ADK: variants seen among roughly 807,000 people sequenced by gnomAD.
The protein encoded by ADK is adenosine kinase.
A neutral mutation model predicts 44.7 loss-of-function variants in ADK; 24 were observed. The ratio of observed to expected loss-of-function variants is 0.54; its 90% CI spans 0.39 to 0.76. ADK has a LOEUF of 0.76. Ranked by LOEUF, ADK falls within the 30% of genes least tolerant of loss-of-function variation. The pLI is 0.00. For missense variants in ADK, 321 were observed against 425.1 expected (o/e 0.76, Z 2.15); for synonymous variants, 128 against 142.6 (o/e 0.90, Z 0.73).
At chr10:74,301,182 A>G (rs533903269) in intron 3 of ADK, among the ~76,000 whole-genome samples, 1 of 152,326 alleles carries the variant, frequency 6.6e-6, no homozygotes, top group African/African-American at 2.4e-5. Context: ...TTATAGATCA[A>G]TGTTAACAGA....
chr10:74,409,683 T>C (rs776065236), intron 6 of ADK, among the ~76,000 whole-genome samples: 1 of 152,152 alleles, frequency 6.6e-6, no homozygotes, highest in Non-Finnish European at 1.5e-5. Context: ...TTTGTGAGGG[T>C]AGAGTTTTCA....
intron 4 of ADK, among the ~76,000 whole-genome samples, chr10:74,354,357 G>A (rs377274526): frequency 7.1e-5 from 10 of 139,908 alleles, no homozygotes; most frequent in Admixed American, 4.4e-4. Flanking sequence ...ATTGGCATCT[G>A]TTACCCCTAC....
intron 6 of ADK, among the ~76,000 whole-genome samples, chr10:74,477,662 A>T (rs149088064): frequency 6.6e-4 from 100 of 152,240 alleles, no homozygotes; most frequent in African/African-American, 2.3e-3. Context: ...CCTGGCTATA[A>T]AAGATGAGGA....
intron 3 of ADK, among the ~76,000 whole-genome samples, chr10:74,281,514 C>T (rs1846935345): frequency 6.6e-6 from 1 of 152,176 alleles, no homozygotes; most frequent in Non-Finnish European, 1.5e-5. Context: ...AAAGTCATCA[C>T]ACTAAAGATG....
chr10:74,351,964 T>C (rs1002359319), intron 4 of ADK, among the ~76,000 whole-genome samples: 4 of 151,846 alleles, frequency 2.6e-5, no homozygotes, highest in African/African-American at 7.3e-5. Flanking sequence ...ATAGGAAGAA[T>C]CAATATTGTG....
chr10:74,232,548 AC>A (rs771970272), intron 3 of ADK, among the ~76,000 whole-genome samples: 19,033 of 64,674 alleles, frequency 0.29, 2,104 homozygotes, highest in African/African-American at 0.45. Flanking sequence ...ACCCCCCCGC[AC>A]CCCCCCCCCC....
intron 6 of ADK, among the ~76,000 whole-genome samples, chr10:74,406,379 A>G (rs1373032100): frequency 1.3e-5 from 2 of 152,024 alleles, no homozygotes; most frequent in Non-Finnish European, 2.9e-5. Flanking sequence ...CAATTTTATT[A>G]TGATGTACCT....
intron 3 of ADK, among the ~76,000 whole-genome samples, chr10:74,225,777 T>C (rs1844512225): frequency 6.6e-6 from 1 of 152,184 alleles, no homozygotes; most frequent in African/African-American, 2.4e-5. Context: ...AATATATATA[T>C]TGTCAAGAAA....
intron 1 of ADK, among the ~76,000 whole-genome samples, chr10:74,197,298 A>G (rs1843191430): frequency 1.3e-5 from 2 of 152,268 alleles, no homozygotes; most frequent in Non-Finnish European, 2.9e-5. Flanking sequence ...ACTTCAAATG[A>G]CCTTAACTGA....
intron 4 of ADK, among the ~76,000 whole-genome samples, chr10:74,377,946 G>A (rs1312076952): frequency 1.3e-5 from 2 of 152,018 alleles, no homozygotes; most frequent in Non-Finnish European, 2.9e-5. Context: ...AAAATTTTTG[G>A]GTGATCCTCT....
At chr10:74,571,763 G>GT (rs1245117658) in intron 7 of ADK, among the ~76,000 whole-genome samples, 4 of 152,100 alleles carry the variant, frequency 2.6e-5, no homozygotes, top group Non-Finnish European at 4.4e-5. Context: ...TTTTTGAAGG[G>GT]TTTTTTGTGT....
In ADK at chr10:74,532,919, C is replaced by CAAA. The variant is rs35774493; in HGVS notation, c.726+7512_726+7514dup. Among the ~76,000 whole-genome samples the CAAA allele has an allele frequency of 2.7e-3, 198 of 74,486 alleles. 2 individuals carry two copies. The highest frequency in any genetic ancestry group is 0.017 in the Middle Eastern group (2 of 118). The allele number at this position is 74,486 out of a possible 152,430, so 48.9% of individuals were successfully genotyped here. On this transcript the variant is annotated intron_variant, in intron 7 of 10. Coordinates refer to ENST00000539909, the MANE Select transcript of ADK (RefSeq NM_006721.4). The stretch of plus-strand genomic sequence containing the variant: ...TGGGCGACAGAGCAAGACTCTGTCT[C>CAAA]AAAAAAAAAAAAAAAAAAAAAGCTA...
intron 4 of ADK, among the ~76,000 whole-genome samples, chr10:74,357,782 A>G (rs1842195993): frequency 6.6e-6 from 1 of 152,200 alleles, no homozygotes; most frequent in Non-Finnish European, 1.5e-5. Flanking sequence ...TTGCATGCTT[A>G]TAATCTGTGA....
intron 3 of ADK, among the ~76,000 whole-genome samples, chr10:74,253,564 A>C (rs1419539149): frequency 6.6e-6 from 1 of 152,056 alleles, no homozygotes; most frequent in Admixed American, 6.6e-5. Flanking sequence ...GAGCATTATA[A>C]ATATGTTCTT....
intron 7 of ADK, among the ~76,000 whole-genome samples, chr10:74,574,525 T>A (rs1324818342): frequency 6.6e-6 from 1 of 152,214 alleles, no homozygotes; most frequent in African/African-American, 2.4e-5. Context: ...TCTGCTTTAT[T>A]GTACTCTTTG....
chr10:74,452,575 C>G (rs1845814410), intron 6 of ADK, among the ~76,000 whole-genome samples: 1 of 151,912 alleles, frequency 6.6e-6, no homozygotes, highest in Non-Finnish European at 1.5e-5. Flanking sequence ...GAAATATATT[C>G]AGGTGATTTT....
At chr10:74,336,434 T>G (rs1246923791) in intron 4 of ADK, among the ~76,000 whole-genome samples, 1 of 152,178 alleles carries the variant, frequency 6.6e-6, no homozygotes, top group Non-Finnish European at 1.5e-5. Flanking sequence ...CTTAATGTGT[T>G]TGTTTTTTTT....
intron 9 of ADK, among the ~76,000 whole-genome samples, chr10:74,603,956 A>G (rs1852230541): frequency 6.6e-6 from 1 of 152,126 alleles, no homozygotes; most frequent in Non-Finnish European, 1.5e-5. Flanking sequence ...CTGACATGAG[A>G]TGGTATCTCA....
intron 7 of ADK, among the ~76,000 whole-genome samples, chr10:74,577,529 G>C (rs1391732923): frequency 6.6e-6 from 1 of 150,686 alleles, no homozygotes; most frequent in African/African-American, 2.4e-5. Context: ...TATTTAGATG[G>C]GTTGTGCTAT....
Sources: gnomAD v4.1 joint callset for allele counts (sites outside exome capture counted in the v4.1 genomes callset) on GRCh38, gnomAD v4.1.1 for gene constraint, MANE v1.5 for transcripts, NCBI Gene and HGNC (gene_info 2026-07-23, HGNC 2026-07-21) for gene names.